DOCK2: variants seen among roughly 807,000 people sequenced by gnomAD.
The protein encoded by DOCK2 is dedicator of cytokinesis 2.
In DOCK2, 87 loss-of-function variants were observed where a neutral mutation model predicts 248.9. The ratio of observed to expected loss-of-function variants is 0.35; its 90% CI spans 0.29 to 0.42. The LOEUF is 0.42. DOCK2 is among the 10% of genes least tolerant of loss of function. The probability of loss-of-function intolerance (pLI) is 1.00; values close to 1 mark genes in which losing one functional copy is unlikely to be tolerated. For synonymous variants in DOCK2, 805 were observed against 821.6 expected, an observed-to-expected ratio of 0.98 and a Z score of 0.35; for missense variants, 1,747 against 2,300.2, an observed-to-expected ratio of 0.76 and a Z score of 4.92.
At chr5:169,883,373 T>C in intron 27 of DOCK2, 1 of 1,551,684 alleles carries the variant, frequency 6.4e-7, no homozygotes, top group Non-Finnish European at 8.7e-7. Context: ...CTTTGCACCT[T>C]GGGGACCCTT....
intron 22 of DOCK2, among the ~76,000 whole-genome samples, chr5:169,721,802 G>A (rs1215930624): frequency 6.6e-6 from 1 of 152,182 alleles, no homozygotes; most frequent in East Asian, 1.9e-4. Context: ...AGAAGGGGTG[G>A]AATTTTTATT....
chr5:169,884,438 G>A (rs1182278077), intron 27 of DOCK2: 1 of 152,320 alleles, frequency 6.6e-6, no homozygotes, highest in Non-Finnish European at 1.5e-5. Context: ...CAGGTAAACA[G>A]GTGGAGAAAT....
intron 27 of DOCK2, among the ~76,000 whole-genome samples, chr5:169,929,761 A>AG (rs1408263108): frequency 2.5e-4 from 37 of 149,616 alleles, no homozygotes; most frequent in South Asian, 1.7e-3. Context: ...AAAAAAAAAA[A>AG]AGAGAGAGAG....
At chr5:170,071,634 A>C (rs180997175) in intron 46 of DOCK2, among the ~76,000 whole-genome samples, 3 of 152,326 alleles carry the variant, frequency 2.0e-5, no homozygotes, top group Admixed American at 2.0e-4. Flanking sequence ...TAACCCACTG[A>C]TTTATCAAAA....
At chr5:169,801,438 C>T (rs928694791) in intron 25 of DOCK2, among the ~76,000 whole-genome samples, 10 of 152,156 alleles carry the variant, frequency 6.6e-5, no homozygotes, top group Non-Finnish European at 1.5e-4. Context: ...GTGTCTACCT[C>T]CCTTAGTCAC....
intron 25 of DOCK2, among the ~76,000 whole-genome samples, chr5:169,766,033 A>G (rs1464200858): frequency 6.6e-6 from 1 of 152,214 alleles, no homozygotes; most frequent in Non-Finnish European, 1.5e-5. Flanking sequence ...GCTAGGAATA[A>G]ACAACCCTCT....
At chr5:169,773,162 A>G (rs953391217) in intron 25 of DOCK2, 7 of 152,150 alleles carry the variant, frequency 4.6e-5, no homozygotes, top group African/African-American at 1.7e-4. Context: ...CAGATTGCAG[A>G]CTTCATTCTC....
At chr5:169,803,545 G>A (rs1450003711) in intron 26 of DOCK2, among the ~76,000 whole-genome samples, 1 of 152,178 alleles carries the variant, frequency 6.6e-6, no homozygotes, top group African/African-American at 2.4e-5. Flanking sequence ...TGCCTAGACA[G>A]CAAGAAAACT....
At chr5:169,798,934 A>G (rs184474780) in intron 25 of DOCK2, among the ~76,000 whole-genome samples, 18 of 152,356 alleles carry the variant, frequency 1.2e-4, no homozygotes, top group Admixed American at 8.5e-4. Flanking sequence ...TTTAAGCCTT[A>G]AAACATTGTC....
intron 27 of DOCK2, among the ~76,000 whole-genome samples, chr5:169,886,353 A>T (rs1772969767): frequency 6.6e-6 from 1 of 152,194 alleles, no homozygotes; most frequent in South Asian, 2.1e-4. Context: ...AAAATTCCAA[A>T]CAATGCAACT....
chr5:169,755,902 G>A (rs1037349241), intron 23 of DOCK2, among the ~76,000 whole-genome samples: 5 of 152,172 alleles, frequency 3.3e-5, no homozygotes, highest in Non-Finnish European at 7.3e-5. Context: ...GAACTTGCCT[G>A]TTGTCACCTG....
At chr5:169,929,979 G>GTTTA (rs755922614) in intron 27 of DOCK2, among the ~76,000 whole-genome samples, 1 of 151,354 alleles carries the variant, frequency 6.6e-6, no homozygotes, top group African/African-American at 2.5e-5. Flanking sequence ...AACTTTATTT[G>GTTTA]TTTATTTATT....
rs1581169517 is a variant in DOCK2, at chr5:169,774,121, T to G, written c.2554+12496T>G. Among the ~76,000 whole-genome samples the G allele has an allele frequency of 3.3e-5, 5 of 152,282 alleles. No homozygotes were observed. The South Asian group carries it at 1.0e-3, about 32-fold the overall frequency. On this transcript the variant is annotated intron_variant, in intron 25 of 51. Transcript: ENST00000520908. ...GTTGAAATTTGATTTTGCTAGGTTA[T>G]TTTTCCCCAACATCTTAGAATAGAA...
chr5:169,804,023 A>T (rs563105450), intron 26 of DOCK2, among the ~76,000 whole-genome samples: 1 of 152,226 alleles, frequency 6.6e-6, no homozygotes, highest in African/African-American at 2.4e-5. Context: ...GACTACATAG[A>T]CCCAAACAAC....
chr5:169,925,996 C>T (rs548313555), intron 27 of DOCK2, among the ~76,000 whole-genome samples: 7 of 152,312 alleles, frequency 4.6e-5, no homozygotes, highest in Admixed American at 1.3e-4. Context: ...GAGCTCGCAA[C>T]ACACCCCTCA....
At chr5:169,919,330 G>T (rs1775048504) in intron 27 of DOCK2, among the ~76,000 whole-genome samples, 1 of 152,150 alleles carries the variant, frequency 6.6e-6, no homozygotes, top group African/African-American at 2.4e-5. Flanking sequence ...TGCTCTCCTT[G>T]AAGGTTTATG....
chr5:169,720,838 C>G (rs991425360), intron 22 of DOCK2, among the ~76,000 whole-genome samples: 3 of 152,256 alleles, frequency 2.0e-5, no homozygotes, highest in African/African-American at 4.8e-5. Flanking sequence ...TCAACTGATT[C>G]TCCTGCCTCA....
chr5:170,054,446 A>T (rs1482040092), intron 41 of DOCK2, among the ~76,000 whole-genome samples: 1 of 152,194 alleles, frequency 6.6e-6, no homozygotes, highest in Non-Finnish European at 1.5e-5. Flanking sequence ...CTAAAGACAG[A>T]CCTAGAAGAG....
chr5:169,803,429 G>T (rs1418714344), intron 26 of DOCK2, among the ~76,000 whole-genome samples: 2 of 152,164 alleles, frequency 1.3e-5, no homozygotes, highest in South Asian at 2.1e-4. Context: ...TGTCTTGTTG[G>T]CCAGGCTTTC....
Sources: allele counts gnomAD v4.1 joint callset (sites outside exome capture counted in the v4.1 genomes callset), GRCh38; gene constraint gnomAD v4.1.1; transcripts MANE v1.5; gene names NCBI Gene and HGNC (gene_info 2026-07-23, HGNC 2026-07-21).